ADAM32: variants seen among roughly 807,000 people sequenced by gnomAD.
ADAM32 encodes ADAM metallopeptidase domain 32, also known as disintegrin and metalloproteinase domain-containing protein 32.
A neutral mutation model predicts 114.9 loss-of-function variants in ADAM32; 89 were observed. The ratio of observed to expected loss-of-function variants is 0.77; its 90% CI spans 0.65 to 0.92. The LOEUF is 0.92. Among genes scored for constraint, ADAM32 ranks in the 40% least tolerant of loss-of-function variants. The pLI is 0.00. For synonymous variants in ADAM32, 285 were observed against 307.5 expected (o/e 0.93, Z 0.77); for missense variants, 870 against 932.8 (o/e 0.93, Z 0.88).
chr8:39,229,485 A>G (rs1187120612), intron 14 of ADAM32, among the ~76,000 whole-genome samples: 1 of 152,218 alleles, frequency 6.6e-6, no homozygotes, highest in Non-Finnish European at 1.5e-5. Flanking sequence ...ATATACACTT[A>G]AAGTAAAGGG....
chr8:39,221,565 T>C (rs376083541), intron 12 of ADAM32, 45 bp from the exon 13 acceptor site: 40 of 1,445,382 alleles, frequency 2.8e-5, no homozygotes, highest in Admixed American at 3.6e-5. Flanking sequence ...AAGATTTTAC[T>C]ATTGTCATGA....
intron 7 of ADAM32, 57 bp downstream of exon 7, chr8:39,161,022 CCTAG>C (rs1804478329): frequency 1.4e-6 from 2 of 1,383,556 alleles, no homozygotes; most frequent in Middle Eastern, 1.8e-4. Flanking sequence ...TATGATTATG[CCTAG>C]CTAGCTAGAC....
Position 39,175,006 on chromosome 8 carries a change from G to A in ADAM32, c.915+5009G>A, listed in dbSNP as rs182213636. On this transcript the variant is annotated intron_variant, in intron 10 of 24. Coordinates refer to ENST00000379907, the MANE Select transcript of ADAM32 (RefSeq NM_145004.7). ...CTGCTTTTCTGTTGTTGGTGTAGGA[G>A]TGCTAGTTATTTTTGCATATTGATT... is the stretch of plus-strand genomic sequence containing the variant. Among the ~76,000 whole-genome samples, 44 of 152,066 alleles carry A rather than the reference G, an allele frequency of 2.9e-4. No individual in the cohort carries two copies. The East Asian group carries it at 6.6e-3, about 23-fold the overall frequency.
intron 16 of ADAM32, among the ~76,000 whole-genome samples, chr8:39,242,877 AG>A (rs1810654459): frequency 6.6e-6 from 1 of 152,230 alleles, no homozygotes; most frequent in African/African-American, 2.4e-5. Context: ...CAAAACGGAT[AG>A]ACCATTAGTG....
Position 39,147,114 on chromosome 8 carries a change from C to T in ADAM32, c.201-16C>T. On this transcript the variant is annotated splice_polypyrimidine_tract_variant and intron_variant, in intron 3 of 24. Coordinates refer to ENST00000379907, the MANE Select transcript of ADAM32 (RefSeq NM_145004.7). ...AAAAGAATAATTAAAAAAATTTCCT[C>T]TTTTTTTATATTCAGATATTTTTTA... 1 of 941,988 alleles carries T rather than the reference C, an allele frequency of 1.1e-6. No homozygotes were observed. The highest frequency in any genetic ancestry group is 1.4e-6 in the Non-Finnish European group (1 of 710,184). The allele number at this position is 941,988 out of a possible 1,614,324, so 58.4% of individuals were successfully genotyped here. A position where few individuals can be genotyped will look rare whatever the true frequency, so the allele number is the denominator to read the frequency against.
intron 2 of ADAM32, among the ~76,000 whole-genome samples, chr8:39,133,782 C>A (rs1469655257): frequency 6.6e-6 from 1 of 152,130 alleles, no homozygotes; most frequent in Non-Finnish European, 1.5e-5. Flanking sequence ...ATCAGATCCC[C>A]GGATAGTGCA....
Position 39,239,842 on chromosome 8 carries a change from A to G in ADAM32, c.1818+5760A>G, listed in dbSNP as rs187944450. 3.9e-5 allele frequency among the ~76,000 whole-genome samples: 6 copies of G among 152,354 alleles called. 2 individuals carry two copies. The highest frequency in any genetic ancestry group is 3.9e-4 in the Admixed American group (6 of 15,310). On this transcript the variant is annotated intron_variant, in intron 16 of 24. Transcript: ENST00000379907. ...TAAAAAAGACAAAGAGGGGCATTAT[A>G]TAATGATAAAGGGACTAGTCCAATA...
At chr8:39,260,231 A>C (rs929929358) in intron 19 of ADAM32, among the ~76,000 whole-genome samples, 2 of 152,136 alleles carry the variant, frequency 1.3e-5, no homozygotes, top group Non-Finnish European at 2.9e-5. Flanking sequence ...CTCCCTTAGC[A>C]AATGTCAAGT....
At chr8:39,274,240 C>G in intron 20 of ADAM32, 72 bp from the exon 21 acceptor site, 1 of 1,427,478 alleles carries the variant, frequency 7.0e-7, no homozygotes, top group South Asian at 1.2e-5. Context: ...ATAAAATGGC[C>G]TGATTTTCAT....
intron 19 of ADAM32, among the ~76,000 whole-genome samples, chr8:39,260,226 T>A (rs35440413): frequency 4.6e-5 from 7 of 152,144 alleles, no homozygotes. Context: ...ATCTACTCCC[T>A]TAGCAAATGT....
At chr8:39,158,476 C>A in intron 6 of ADAM32, 2 of 265,168 alleles carry the variant, frequency 7.5e-6, no homozygotes, top group South Asian at 9.3e-5. Flanking sequence ...CCACAATGGT[C>A]ATAGCCTCTA....
chr8:39,189,662 A>G lies in ADAM32; in HGVS notation c.1052+2617A>G, dbSNP rs574769156. ...GCTATTTTGAAATATACAATAAATT[A>G]CCATTAATTACAGTCACCCTACTTT... On this transcript the variant is annotated intron_variant, in intron 11 of 24. Transcript: ENST00000379907. Among the ~76,000 whole-genome samples, 5 of 152,288 alleles carry G rather than the reference A, an allele frequency of 3.3e-5. No individual in the cohort carries two copies. The South Asian group carries it at 8.3e-4, about 25-fold the overall frequency.
chr8:39,197,128 A>G (rs1348360187), intron 11 of ADAM32, among the ~76,000 whole-genome samples: 1 of 152,116 alleles, frequency 6.6e-6, no homozygotes, highest in Non-Finnish European at 1.5e-5. Flanking sequence ...TTGTCAGCAT[A>G]GAGTTGTTCA....
At chr8:39,199,358 A>G (rs1221933294) in intron 11 of ADAM32, among the ~76,000 whole-genome samples, 3 of 152,152 alleles carry the variant, frequency 2.0e-5, no homozygotes, top group Non-Finnish European at 2.9e-5. Context: ...TTGTTCCTGT[A>G]TGCTGTTTCA....
At chr8:39,225,799 T>TA (rs397819064) in intron 14 of ADAM32, among the ~76,000 whole-genome samples, 4 of 151,830 alleles carry the variant, frequency 2.6e-5, no homozygotes, top group Non-Finnish European at 5.9e-5. Flanking sequence ...TTTTTTTTTT[T>TA]AAATCAGTGA....
At chr8:39,211,487 A>T (rs1429578077) in intron 12 of ADAM32, among the ~76,000 whole-genome samples, 163 bp downstream of exon 12, 1 of 152,246 alleles carries the variant, frequency 6.6e-6, no homozygotes, top group Non-Finnish European at 1.5e-5. Context: ...TAGATTTTGT[A>T]GGTTGAAGAA....
intron 6 of ADAM32, among the ~76,000 whole-genome samples, chr8:39,152,548 C>A (rs1007622327): frequency 6.6e-6 from 1 of 151,434 alleles, no homozygotes; most frequent in Non-Finnish European, 1.5e-5. Context: ...ATGGTGAAAC[C>A]CCGTCTCCAC....
rs529520996 is a variant in ADAM32, at chr8:39,255,469, C to T, written c.2005+953C>T. On this transcript the variant is annotated intron_variant, in intron 18 of 24. Coordinates refer to ENST00000379907, the MANE Select transcript of ADAM32 (RefSeq NM_145004.7). ...CATTGTGGTTTTGATTTACATTTCC[C>T]TGATCATTAGTGATGTTGAGCATTT... is the stretch of plus-strand genomic sequence containing the variant. Among the ~76,000 whole-genome samples the T allele has an allele frequency of 1.4e-4, 22 of 152,160 alleles. No individual in the cohort carries two copies. In the East Asian group the frequency reaches 4.0e-3, roughly 28 times the overall value.
In ADAM32 at chr8:39,164,791, A is replaced by G. The variant is rs1804723242; in HGVS notation, c.622A>G (p.Ile208Val). 6.2e-7 allele frequency: 1 copy of G among 1,607,262 alleles called. No homozygotes were observed. The highest frequency in any genetic ancestry group is 8.5e-7 in the Non-Finnish European group (1 of 1,176,538). Reference protein sequence around the residue: ...LYDYWGSDSMIVTNKVIEIVG... With the variant: ...LYDYWGSDSMVVTNKVIEIVG... ...TGATTACTGGGGCTCTGATAGCATG[A>G]TAGTAACAAATAAAGTCATCGAAAT... Residue 208 changes from isoleucine to valine, a missense_variant, in exon 8 of 25, where the codon ATA becomes GTA. Coordinates refer to ENST00000379907, the MANE Select transcript of ADAM32 (RefSeq NM_145004.7).
Sources: gnomAD v4.1 joint callset for allele counts (sites outside exome capture counted in the v4.1 genomes callset) on GRCh38, gnomAD v4.1.1 for gene constraint, MANE v1.5 for transcripts, NCBI Gene and HGNC (gene_info 2026-07-23, HGNC 2026-07-21) for gene names.